Variants in FHIT observed in about 807,000 individuals in gnomAD.
The protein encoded by FHIT is fragile histidine triad diadenosine triphosphatase, also known as bis(5'-adenosyl)-triphosphatase.
In FHIT, 19 loss-of-function variants were observed where a neutral mutation model predicts 17.9. The observed-to-expected ratio is 1.06, with a 90% CI of 0.74 to 1.56. FHIT has a LOEUF of 1.56. FHIT is among the 40% of genes most tolerant of loss of function. FHIT has a pLI of 0.00. For missense variants in FHIT, 248 were observed against 189.2 expected (o/e 1.31, Z -1.82); for synonymous variants, 81 against 69.7 (o/e 1.16, Z -0.81).
chr3:60,494,223 C>T (rs34471619), intron 5 of FHIT, among the ~76,000 whole-genome samples: 1 of 152,196 alleles, frequency 6.6e-6, no homozygotes, highest in Non-Finnish European at 1.5e-5. Flanking sequence ...CCACTACCCA[C>T]TCCTAACCCC....
rs79726878 is a variant in FHIT at position 60,599,901 on chromosome 3, C to G, written c.-17-62922G>C. ...CCACATAATTCTTTGCTGTGAAGAG[C>G]TGTCTGTGTACTCTAAGATATTTAT... On this transcript the variant is annotated intron_variant, in intron 4 of 9. Transcript: ENST00000492590. Among the ~76,000 whole-genome samples the G allele has an allele frequency of 3.1e-3, 477 of 152,182 alleles. 12 individuals carry two copies. The East Asian group carries it at 0.051, about 16-fold the overall frequency.
intron 2 of FHIT, among the ~76,000 whole-genome samples, chr3:61,056,935 A>G (rs1255626461): frequency 1.3e-5 from 2 of 152,202 alleles, no homozygotes; most frequent in African/African-American, 4.8e-5. Flanking sequence ...AAAAGATAAA[A>G]AAAACAAACT....
chr3:61,102,662 TG>T (rs2035869227), intron 2 of FHIT, among the ~76,000 whole-genome samples: 1 of 152,160 alleles, frequency 6.6e-6, no homozygotes. Flanking sequence ...TGGTAGAATT[TG>T]GCTGTGAATC....
At chr3:60,139,574 C>T (rs570825412) in intron 5 of FHIT, among the ~76,000 whole-genome samples, 3 of 152,134 alleles carry the variant, frequency 2.0e-5, no homozygotes, top group Non-Finnish European at 4.4e-5. Context: ...TCATTGATCA[C>T]ACAGAATTGT....
At chr3:60,498,751 CCTGATT>C (rs1304568163) in intron 5 of FHIT, among the ~76,000 whole-genome samples, 8 of 152,038 alleles carry the variant, frequency 5.3e-5, no homozygotes, top group Admixed American at 2.0e-4. Flanking sequence ...TACCATTTTA[CCTGATT>C]CTAGGACCTG....
At chr3:59,972,165 A>G (rs978030055) in intron 7 of FHIT, among the ~76,000 whole-genome samples, 2 of 152,128 alleles carry the variant, frequency 1.3e-5, no homozygotes, top group African/African-American at 4.8e-5. Context: ...GAACCAAGAT[A>G]TTAGAGACAG....
chr3:59,889,924 A>T (rs968948482), intron 8 of FHIT, among the ~76,000 whole-genome samples: 1 of 152,200 alleles, frequency 6.6e-6, no homozygotes, highest in Non-Finnish European at 1.5e-5. Context: ...AATTTTCTTC[A>T]GAGGACTTAT....
chr3:59,941,346 G>A (rs1319084706), intron 7 of FHIT, among the ~76,000 whole-genome samples: 1 of 152,166 alleles, frequency 6.6e-6, no homozygotes, highest in Non-Finnish European at 1.5e-5. Context: ...AAAGTAGCAA[G>A]GATACAGTTG....
intron 4 of FHIT, among the ~76,000 whole-genome samples, chr3:60,762,972 G>A (rs1446189731): frequency 6.6e-6 from 1 of 152,114 alleles, no homozygotes; most frequent in African/African-American, 2.4e-5. Context: ...TCTCTCTCTG[G>A]AGAACCCTGA....
chr3:60,897,212 C>T (rs938627975), intron 3 of FHIT, among the ~76,000 whole-genome samples: 1 of 152,114 alleles, frequency 6.6e-6, no homozygotes, highest in East Asian at 1.9e-4. Context: ...AACATAACCA[C>T]GATGATGCTG....
chr3:60,162,826 C>G (rs1408138225), intron 5 of FHIT, among the ~76,000 whole-genome samples: 1 of 152,100 alleles, frequency 6.6e-6, no homozygotes, highest in Admixed American at 6.5e-5. Flanking sequence ...TATGGCTTCC[C>G]TGGATATTGA....
chr3:59,893,965 A>C (rs1703959506), intron 8 of FHIT, among the ~76,000 whole-genome samples: 1 of 144,350 alleles, frequency 6.9e-6, no homozygotes, highest in African/African-American at 2.7e-5. Context: ...TGGCATAGAG[A>C]TTAAGAACAT....
Position 60,034,234 on chromosome 3 carries a change from A to T in FHIT, c.104-20082T>A, listed in dbSNP as rs141755526. On this transcript the variant is annotated intron_variant, in intron 5 of 9. Coordinates refer to ENST00000492590, the MANE Select transcript of FHIT (RefSeq NM_002012.4). ...TGCTAGTTGCCCTTTAACATCCCTG[A>T]TAACCCTGAACTCCTCTGATTCAAT... Among the ~76,000 whole-genome samples the T allele has an allele frequency of 4.6e-5, 7 of 152,344 alleles. No individual in the cohort carries two copies. The East Asian group carries it at 1.4e-3, about 29-fold the overall frequency.
intron 8 of FHIT, among the ~76,000 whole-genome samples, chr3:59,816,764 T>C (rs1700614177): frequency 6.6e-6 from 1 of 152,192 alleles, no homozygotes. Flanking sequence ...ATCCCCTCTC[T>C]TGAACCATAC....
rs75395139 is a variant in FHIT, at chr3:61,077,973, G to A, written c.-163-35874C>T. Among the ~76,000 whole-genome samples, 523 of 152,194 alleles carry A rather than the reference G, an allele frequency of 3.4e-3. 3 individuals carry two copies. The highest frequency in any genetic ancestry group is 0.012 in the African/African-American group (494 of 41,524). ...ATAGGAGGCTGCCACAATAGCCCAC[G>A]GAAAACACCTCTTTATAAAGGTCCA... On this transcript the variant is annotated intron_variant, in intron 2 of 9. Transcript: ENST00000492590.
chr3:60,888,151 C>CT lies in FHIT; in HGVS notation c.-110-66141dup, dbSNP rs540250230. Among the ~76,000 whole-genome samples, 308 of 152,318 alleles carry CT rather than the reference C, an allele frequency of 2.0e-3. 3 individuals are homozygous for CT. The highest frequency in any genetic ancestry group is 7.1e-3 in the African/African-American group (294 of 41,568). On this transcript the variant is annotated intron_variant, in intron 3 of 9. Transcript: ENST00000492590. ...CCCTGGAGGGAAGGTTGTAATCTGA[C>CT]TTTAACTCCTGAGGACATGTGGATA...
chr3:59,761,600 CAATTT>C (rs1175040818), intron 8 of FHIT, among the ~76,000 whole-genome samples: 1 of 151,890 alleles, frequency 6.6e-6, no homozygotes, highest in Non-Finnish European at 1.5e-5. Flanking sequence ...AGGATCTTAG[CAATTT>C]ATTTTATTTT....
intron 4 of FHIT, among the ~76,000 whole-genome samples, chr3:60,802,306 C>T (rs893747620): frequency 1.3e-5 from 2 of 152,126 alleles, no homozygotes; most frequent in Non-Finnish European, 2.9e-5. Flanking sequence ...GTTCTCAGAA[C>T]GTTTTCAGAA....
chr3:60,837,038 G>A (rs1158080895), intron 3 of FHIT, among the ~76,000 whole-genome samples: 2 of 152,110 alleles, frequency 1.3e-5, no homozygotes, highest in African/African-American at 2.4e-5. Context: ...GAGCAGCCAT[G>A]GCCAGGTTTT....
Sources: allele counts gnomAD v4.1 joint callset (sites outside exome capture counted in the v4.1 genomes callset), GRCh38; gene constraint gnomAD v4.1.1; transcripts MANE v1.5; gene names NCBI Gene and HGNC (gene_info 2026-07-23, HGNC 2026-07-21).